PID1: variants seen among roughly 807,000 people sequenced by gnomAD.
PID1 encodes the protein PTB-containing, cubilin and LRP1-interacting protein.
PID1 carries 10 observed loss-of-function variants against 19.1 expected under a neutral mutation model. That is an observed-to-expected ratio of 0.52 (90% confidence interval 0.32 to 0.89). The LOEUF is 0.89. Ranked by LOEUF, PID1 falls within the 40% of genes least tolerant of loss-of-function variation. PID1 has a pLI of 0.03. For missense variants in PID1, 248 were observed against 285.3 expected (o/e 0.87, Z 0.94); for synonymous variants, 130 against 116.0 (o/e 1.12, Z -0.78).
At chr2:229,054,274 C>T (rs16825629) in intron 2 of PID1, among the ~76,000 whole-genome samples, 8,299 of 152,154 alleles carry the variant, frequency 0.055, 360 homozygotes, top group African/African-American at 0.11. Context: ...GAGAGATCTG[C>T]GTAAAGCTTG....
intron 1 of PID1, chr2:229,236,551 C>T (rs1043608498): frequency 6.6e-6 from 1 of 152,140 alleles, no homozygotes. Context: ...GTCAGAACAA[C>T]TGAATAAACC....
chr2:229,207,593 G>A (rs1457397554), intron 1 of PID1, among the ~76,000 whole-genome samples: 19 of 151,020 alleles, frequency 1.3e-4, no homozygotes, highest in Non-Finnish European at 4.4e-5. Context: ...TCTGTAGGCA[G>A]TCACTCAGCT....
intron 2 of PID1, among the ~76,000 whole-genome samples, chr2:229,090,856 C>T (rs1694858031): frequency 6.6e-6 from 1 of 152,186 alleles, no homozygotes; most frequent in Admixed American, 6.5e-5. Flanking sequence ...TGCCAAAAAG[C>T]TCTAACCTTT....
At chr2:229,125,930 A>C (rs1695613766) in intron 2 of PID1, among the ~76,000 whole-genome samples, 1 of 152,190 alleles carries the variant, frequency 6.6e-6, no homozygotes, top group Non-Finnish European at 1.5e-5. Flanking sequence ...GTTCCTGCTT[A>C]GGTTCTGGAA....
intron 2 of PID1, among the ~76,000 whole-genome samples, chr2:229,146,337 G>A (rs1030922934): frequency 3.3e-5 from 5 of 152,134 alleles, no homozygotes. Context: ...GGGGGTCAGG[G>A]GCAAGGGGAG....
chr2:229,194,632 T>C (rs1691331849), intron 1 of PID1, among the ~76,000 whole-genome samples: 1 of 151,976 alleles, frequency 6.6e-6, no homozygotes, highest in South Asian at 2.1e-4. Context: ...CTAGGTTCCT[T>C]AATAAAATGA....
chr2:229,050,808 T>C (rs1693980832), intron 2 of PID1, among the ~76,000 whole-genome samples: 1 of 150,716 alleles, frequency 6.6e-6, no homozygotes, highest in African/African-American at 2.5e-5. Context: ...GGGAGTGGCA[T>C]AAAGGTCATA....
At chr2:229,041,047 G>T (rs1693761098) in intron 2 of PID1, among the ~76,000 whole-genome samples, 1 of 152,152 alleles carries the variant, frequency 6.6e-6, no homozygotes, top group Non-Finnish European at 1.5e-5. Flanking sequence ...AGGTGAGTTT[G>T]TGTGTACATG....
rs577157887 is a variant in PID1, at chr2:229,195,631, T to C, written c.31-39667A>G. ...AGTGATATGTCCTAGAGATAATTATTTTTTTCATAACTGCACAATACCTAG... is the reference window on the plus strand; with the variant it reads ...AGTGATATGTCCTAGAGATAATTATCTTTTTCATAACTGCACAATACCTAG... On this transcript the variant is annotated intron_variant, in intron 1 of 2. Coordinates refer to ENST00000392055, the MANE Select transcript of PID1 (RefSeq NM_001100818.2). 5.3e-3 allele frequency among the ~76,000 whole-genome samples: 803 copies of C among 152,048 alleles called. 11 individuals carry two copies. Among genetic ancestry groups the C allele is most frequent in the Admixed American group, 0.013 (192 of 15,248 alleles).
chr2:229,025,423 T>A lies in PID1; in HGVS notation c.*209A>T, dbSNP rs1693391960. The A allele has an allele frequency of 8.7e-6, 5 of 575,184 alleles. No individual in the cohort carries two copies. The East Asian group carries it at 1.5e-4, about 17-fold the overall frequency. 35.6% of individuals were successfully genotyped at this position (575,184 alleles called of 1,614,324 possible). A position where few individuals can be genotyped will look rare whatever the true frequency, so the allele number is the denominator to read the frequency against. ...CTCCCCATCCACACTCCCACCCTCC[T>A]CACAGTCACAGCAGCAGCAGGTTTC... On this transcript the variant is annotated 3_prime_UTR_variant, in exon 3 of 3. Coordinates refer to ENST00000392055, the MANE Select transcript of PID1 (RefSeq NM_001100818.2).
At chr2:229,055,593 C>T (rs889287301) in intron 2 of PID1, among the ~76,000 whole-genome samples, 23 of 152,310 alleles carry the variant, frequency 1.5e-4, no homozygotes, top group African/African-American at 5.3e-4. Context: ...AAGCCCCAGA[C>T]ATTTGTATCT....
intron 2 of PID1, among the ~76,000 whole-genome samples, chr2:229,129,937 G>A (rs1574652330): frequency 6.6e-6 from 1 of 151,968 alleles, no homozygotes; most frequent in South Asian, 2.1e-4. Flanking sequence ...CAGCAACATC[G>A]CTCACACAAA....
chr2:229,262,537 GT>G (rs1334738930), intron 1 of PID1: 1 of 1,245,340 alleles, frequency 8.0e-7, no homozygotes, highest in Non-Finnish European at 1.1e-6. Flanking sequence ...GTATGTGAAA[GT>G]TGGGGATACC....
At chr2:229,069,139 G>GTTTTTT (rs71412190) in intron 2 of PID1, among the ~76,000 whole-genome samples, 23 of 144,002 alleles carry the variant, frequency 1.6e-4, no homozygotes, top group African/African-American at 5.7e-4. Context: ...AACGAGAAGG[G>GTTTTTT]TTTTTGTGTG....
intron 1 of PID1, among the ~76,000 whole-genome samples, chr2:229,215,801 G>A (rs1199712628): frequency 6.6e-6 from 1 of 152,226 alleles, no homozygotes; most frequent in Admixed American, 6.5e-5. Flanking sequence ...TCTTACCCAT[G>A]ATCTCCAATT....
chr2:229,172,977 C>T (rs533302903), intron 1 of PID1, among the ~76,000 whole-genome samples: 12 of 152,258 alleles, frequency 7.9e-5, no homozygotes, highest in African/African-American at 2.6e-4. Context: ...AAGTGATCAA[C>T]CCAACTCAGC....
At chr2:229,150,503 A>C (rs771173145) in intron 2 of PID1, among the ~76,000 whole-genome samples, 2 of 152,162 alleles carry the variant, frequency 1.3e-5, no homozygotes, top group African/African-American at 4.8e-5. Context: ...AACAACTGCT[A>C]ATGATCCTGC....
In PID1 at chr2:229,108,504, TAG is replaced by T. The variant is rs565721010; in HGVS notation, c.177+47312_177+47313del. Among the ~76,000 whole-genome samples, 3 of 152,292 alleles carry T rather than the reference TAG, an allele frequency of 2.0e-5. No homozygotes were observed. In the East Asian group the frequency reaches 5.8e-4, roughly 29 times the overall value. ...TCTACAGGGTGTCCCTGGGATTACA[TAG>T]AGTCTGCCAGCCCTACCTGGGAGGA... On this transcript the variant is annotated intron_variant, in intron 2 of 2. Transcript: ENST00000392055.
At chr2:229,053,083 T>C (rs1013107612) in intron 2 of PID1, among the ~76,000 whole-genome samples, 2 of 152,236 alleles carry the variant, frequency 1.3e-5, no homozygotes, top group South Asian at 2.1e-4. Flanking sequence ...AGAACACTTA[T>C]AAACGTAACC....
Sources: gnomAD v4.1 joint callset for allele counts (sites outside exome capture counted in the v4.1 genomes callset) on GRCh38, gnomAD v4.1.1 for gene constraint, MANE v1.5 for transcripts, NCBI Gene and HGNC (gene_info 2026-07-23, HGNC 2026-07-21) for gene names.